The following RBFOX1 variants were observed in gnomAD, a reference collection of about 807,000 sequenced individuals.
RBFOX1 encodes the protein RNA binding fox-1 homolog 1.
A neutral mutation model predicts 57.7 loss-of-function variants in RBFOX1; 8 were observed. That is an observed-to-expected ratio of 0.14 (90% CI 0.08 to 0.25). The LOEUF is 0.25. Among genes scored for constraint, RBFOX1 ranks in the 10% least tolerant of loss-of-function variants. The probability of loss-of-function intolerance (pLI) is 1.00; values close to 1 mark genes in which losing one functional copy is unlikely to be tolerated. For missense variants in RBFOX1, 611 were observed against 548.5 expected, an observed-to-expected ratio of 1.11 and a Z score of -1.14; for synonymous variants, 326 against 222.4, an observed-to-expected ratio of 1.47 and a Z score of -4.15.
At chr16:6,136,904 T>A (rs1004840049) in intron 1 of RBFOX1, among the ~76,000 whole-genome samples, 2 of 152,204 alleles carry the variant, frequency 1.3e-5, no homozygotes, top group Non-Finnish European at 2.9e-5. Flanking sequence ...TGATCATTTT[T>A]AATCAGTCTC....
chr16:5,953,971 G>A (rs1036357957), intron 4 of RBFOX1, among the ~76,000 whole-genome samples: 10 of 152,014 alleles, frequency 6.6e-5, no homozygotes, highest in Non-Finnish European at 1.5e-4. Context: ...TACCCCCAGG[G>A]GACATTTGGA....
At chr16:6,485,981 C>T (rs1295876593) in intron 2 of RBFOX1, among the ~76,000 whole-genome samples, 3 of 145,554 alleles carry the variant, frequency 2.1e-5, no homozygotes, top group African/African-American at 5.1e-5. Context: ...TATTGTGTTC[C>T]TTTTTGCTCT....
chr16:5,953,556 A>G (rs2059562277), intron 4 of RBFOX1, among the ~76,000 whole-genome samples: 1 of 151,930 alleles, frequency 6.6e-6, no homozygotes, highest in Admixed American at 6.6e-5. Context: ...GCATCCTCAT[A>G]GCTTAGCTCC....
chr16:6,054,915 TG>T (rs1370734770), intron 1 of RBFOX1, among the ~76,000 whole-genome samples: 1 of 152,154 alleles, frequency 6.6e-6, no homozygotes, highest in Non-Finnish European at 1.5e-5. Context: ...CCCAAGTAGC[TG>T]GGACTGCAGG....
intron 3 of RBFOX1, among the ~76,000 whole-genome samples, chr16:5,844,727 T>C (rs893216215): frequency 6.6e-6 from 1 of 152,214 alleles, no homozygotes; most frequent in Admixed American, 6.5e-5. Flanking sequence ...ATTAAACATT[T>C]TGAAGTGGAA....
intron 4 of RBFOX1, among the ~76,000 whole-genome samples, chr16:7,148,114 G>C (rs376656425): frequency 6.6e-6 from 1 of 152,264 alleles, no homozygotes; most frequent in African/African-American, 2.4e-5. Context: ...AGGAAGTGAC[G>C]CACAATTGAC....
intron 1 of RBFOX1, among the ~76,000 whole-genome samples, chr16:5,329,891 T>C (rs918781291): frequency 2.0e-5 from 3 of 151,148 alleles, no homozygotes; most frequent in African/African-American, 7.4e-5. Context: ...AGTGATGTGA[T>C]GTGATGGCGT....
chr16:5,704,628 G>A (rs1157275130), intron 3 of RBFOX1, among the ~76,000 whole-genome samples: 2 of 152,126 alleles, frequency 1.3e-5, no homozygotes, highest in African/African-American at 4.8e-5. Context: ...TTAATGCACC[G>A]GATCTCAAGT....
At chr16:5,570,647 C>T (rs908752535) in intron 2 of RBFOX1, among the ~76,000 whole-genome samples, 5 of 152,074 alleles carry the variant, frequency 3.3e-5, no homozygotes, top group African/African-American at 1.2e-4. Context: ...TGAGACCAGC[C>T]TTGCCAACAT....
intron 3 of RBFOX1, among the ~76,000 whole-genome samples, chr16:6,657,892 G>A (rs2098671465): frequency 1.3e-5 from 2 of 151,868 alleles, no homozygotes; most frequent in Admixed American, 1.3e-4. Context: ...AGGATGTGAT[G>A]GCTTCTCAAG....
At chr16:5,766,211 C>G (rs2053772008) in intron 3 of RBFOX1, among the ~76,000 whole-genome samples, 1 of 152,078 alleles carries the variant, frequency 6.6e-6, no homozygotes, top group South Asian at 2.1e-4. Context: ...ATGTGGGGTC[C>G]AATCATGGCA....
chr16:6,631,976 C>G (rs562213138), intron 2 of RBFOX1, among the ~76,000 whole-genome samples: 1 of 152,094 alleles, frequency 6.6e-6, no homozygotes, highest in African/African-American at 2.4e-5. Flanking sequence ...GGTTTATTCT[C>G]AATGGAAGGA....
At chr16:6,842,142 G>GAAA (rs1003554401) in intron 3 of RBFOX1, among the ~76,000 whole-genome samples, 11 of 140,300 alleles carry the variant, frequency 7.8e-5, no homozygotes, top group African/African-American at 3.0e-4. Context: ...GACTGTCTCA[G>GAAA]AAAAAAAAAT....
chr16:7,584,024 T>C (rs1300334962), intron 6 of RBFOX1, among the ~76,000 whole-genome samples: 5 of 152,194 alleles, frequency 3.3e-5, no homozygotes, highest in Admixed American at 2.0e-4. Context: ...TCTACCATGA[T>C]GTTGTGAGTG....
intron 2 of RBFOX1, among the ~76,000 whole-genome samples, chr16:6,331,772 A>T (rs199947765): frequency 3.5e-3 from 127 of 35,958 alleles, no homozygotes; most frequent in East Asian, 0.013. Context: ...ACCTTTTTTT[A>T]AAAAAAAAAA....
intron 1 of RBFOX1, among the ~76,000 whole-genome samples, chr16:5,446,496 AT>A (rs1687566567): frequency 6.6e-6 from 1 of 151,920 alleles, no homozygotes; most frequent in Non-Finnish European, 1.5e-5. Flanking sequence ...GTCTCCCTAA[AT>A]GGTCCTCTGG....
chr16:5,774,429 T>C (rs1201196744), intron 3 of RBFOX1, among the ~76,000 whole-genome samples: 1 of 152,252 alleles, frequency 6.6e-6, no homozygotes, highest in Non-Finnish European at 1.5e-5. Context: ...ACAGAGGCAG[T>C]ATTTTAAACA....
chr16:6,144,341 C>T (rs2096741665), intron 1 of RBFOX1, among the ~76,000 whole-genome samples: 1 of 152,088 alleles, frequency 6.6e-6, no homozygotes, highest in African/African-American at 2.4e-5. Context: ...ATTTTGCTTA[C>T]CTCTTGGAGA....
At position 7,052,232 on chromosome 16, in the gene RBFOX1, A is replaced by G. The variant is rs779979785; in HGVS notation, c.27+134A>G. ...AAGACTGGTAGAGTTGAAAATATTT[A>G]TCCCAGCTTATTTAGTATTGATTGA... is the stretch of plus-strand genomic sequence containing the variant. On this transcript the variant is annotated intron_variant, in intron 4 of 15. Coordinates refer to ENST00000550418, the MANE Select transcript of RBFOX1 (RefSeq NM_018723.4). 7 of 1,350,828 alleles carry G rather than the reference A, an allele frequency of 5.2e-6. No homozygotes were observed. The African/African-American group carries it at 8.8e-5, about 17-fold the overall frequency. 83.7% of individuals were successfully genotyped at this position (1,350,828 alleles called of 1,614,324 possible).
Sources: allele counts gnomAD v4.1 joint callset (sites outside exome capture counted in the v4.1 genomes callset), GRCh38; gene constraint gnomAD v4.1.1; transcripts MANE v1.5; gene names NCBI Gene and HGNC (gene_info 2026-07-23, HGNC 2026-07-21).